The following SUFU variants were observed in gnomAD, a reference collection of about 807,000 sequenced individuals.
The protein encoded by SUFU is SUFU negative regulator of hedgehog signaling, also known as suppressor of fused homolog.
A neutral mutation model predicts 58.9 loss-of-function variants in SUFU; 7 were observed. The observed-to-expected ratio is 0.12, with a 90% CI of 0.07 to 0.22. The LOEUF (loss-of-function observed/expected upper bound fraction) is 0.22, where lower values mean the gene tolerates loss of function less well. Among genes scored for constraint, SUFU ranks in the 10% least tolerant of loss-of-function variants. The pLI is 1.00. For synonymous variants in SUFU, 232 were observed against 254.8 expected (o/e 0.91, Z 0.85); for missense variants, 451 against 641.3 (o/e 0.70, Z 3.20).
chr10:102,623,225 T>C (rs780768407), intron 10 of SUFU, among the ~76,000 whole-genome samples: 2 of 152,174 alleles, frequency 1.3e-5, no homozygotes, highest in Non-Finnish European at 2.9e-5. Context: ...AGTGCAAATA[T>C]CAGTGAGTGC....
intron 2 of SUFU, among the ~76,000 whole-genome samples, chr10:102,542,806 G>A (rs934257430): frequency 6.6e-6 from 1 of 151,868 alleles, no homozygotes; most frequent in African/African-American, 2.4e-5. Flanking sequence ...TGTACTTTTT[G>A]TGGAGGCAAG....
chr10:102,596,327 T>A (rs1388670594), intron 6 of SUFU, among the ~76,000 whole-genome samples: 1 of 152,234 alleles, frequency 6.6e-6, no homozygotes, highest in Non-Finnish European at 1.5e-5. Context: ...TCCAGATGAC[T>A]TTTAATTCAA....
At chr10:102,509,705 C>A (rs1280253425) in intron 2 of SUFU, among the ~76,000 whole-genome samples, 3 of 152,170 alleles carry the variant, frequency 2.0e-5, no homozygotes, top group African/African-American at 7.2e-5. Context: ...ATACCCACAA[C>A]CCAGATTCTA....
In SUFU at chr10:102,629,979, G is replaced by C; in HGVS notation, c.1366-87G>C. The C allele has an allele frequency of 1.6e-6, 2 of 1,253,142 alleles. No homozygotes were observed. The highest frequency in any genetic ancestry group is 2.3e-6 in the Non-Finnish European group (2 of 851,204). The allele number at this position is 1,253,142 out of a possible 1,614,324, so 77.6% of individuals were successfully genotyped here. On this transcript the variant is annotated intron_variant, in intron 11 of 11. Coordinates refer to ENST00000369902, the MANE Select transcript of SUFU (RefSeq NM_016169.4). The surrounding 1 kb of genome is among the most constrained non-coding windows in gnomAD (Gnocchi z 4.7). ...CGGCCTGTCCTATCCCTAGCTCCCC[G>C]GGGACAGGCCTGGGCAATCTCTGGA...
At chr10:102,605,149 C>T (rs1446502892) in intron 8 of SUFU, among the ~76,000 whole-genome samples, 1 of 151,816 alleles carries the variant, frequency 6.6e-6, no homozygotes, top group African/African-American at 2.4e-5. Context: ...GAACTCCTGA[C>T]CTTATGATCT....
intron 6 of SUFU, among the ~76,000 whole-genome samples, chr10:102,594,435 A>C (rs893368584): frequency 6.6e-6 from 1 of 152,084 alleles, no homozygotes; most frequent in Non-Finnish European, 1.5e-5. Context: ...CACGGCCACC[A>C]CCGCCCTGTA....
At chr10:102,623,618 A>G (rs542832353) in intron 10 of SUFU, among the ~76,000 whole-genome samples, 1 of 152,326 alleles carries the variant, frequency 6.6e-6, no homozygotes, top group South Asian at 2.1e-4. Flanking sequence ...CTCTATCACC[A>G]TGAGATCAGA....
At chr10:102,579,800 C>T in intron 3 of SUFU, 1 of 985,314 alleles carries the variant, frequency 1.0e-6, no homozygotes, top group Non-Finnish European at 1.2e-6. Flanking sequence ...GCTCTCAAAC[C>T]AAACACTCAA....
chr10:102,560,947 G>A (rs1040545965), intron 3 of SUFU, among the ~76,000 whole-genome samples: 2 of 151,904 alleles, frequency 1.3e-5, no homozygotes, highest in African/African-American at 2.4e-5. Context: ...TCCTCCCAGC[G>A]ATTTTCCTGC....
Position 102,629,559 on chromosome 10 carries a change from T to G in SUFU, c.1366-507T>G, listed in dbSNP as rs1352903423. ...AAGGCCGCAAGTGTGGTTCTGACTT[T>G]GGGGCCGAACTGGGGCCTCCTTCCC... On this transcript the variant is annotated intron_variant, in intron 11 of 11. Coordinates refer to ENST00000369902, the MANE Select transcript of SUFU (RefSeq NM_016169.4). This position sits in a 1 kb window ranked among gnomAD's most constrained non-coding sequence, Gnocchi z 4.7. Among the ~76,000 whole-genome samples the G allele has an allele frequency of 6.6e-6, 1 of 152,208 alleles. No individual in the cohort carries two copies. The highest frequency in any genetic ancestry group is 2.4e-5 in the African/African-American group (1 of 41,450).
intron 3 of SUFU, chr10:102,572,698 T>G: frequency 3.0e-6 from 2 of 661,696 alleles, no homozygotes; most frequent in Non-Finnish European, 5.6e-6. Flanking sequence ...AGCCTTTTTT[T>G]TGTTGTTGTT....
At chr10:102,526,978 ATAATTAT>A (rs1245837675) in intron 2 of SUFU, among the ~76,000 whole-genome samples, 1 of 150,468 alleles carries the variant, frequency 6.6e-6, no homozygotes, top group Non-Finnish European at 1.5e-5. Flanking sequence ...TCAATAAATT[ATAATTAT>A]TATTATTGTT....
intron 9 of SUFU, among the ~76,000 whole-genome samples, chr10:102,616,986 A>G (rs528939272): frequency 1.7e-3 from 257 of 152,164 alleles, no homozygotes; most frequent in Middle Eastern, 0.01. Context: ...TCTGCCCTCA[A>G]TTTTCCTAAG....
intron 3 of SUFU, among the ~76,000 whole-genome samples, chr10:102,551,446 T>A (rs2062913800): frequency 6.6e-6 from 1 of 151,974 alleles, no homozygotes; most frequent in South Asian, 2.1e-4. Flanking sequence ...GAGACCAGCC[T>A]GGCTAACATG....
In SUFU at chr10:102,550,035, C is replaced by T; in HGVS notation, c.383C>T (p.Thr128Ile). 1 of 1,614,200 alleles carries T rather than the reference C, an allele frequency of 6.2e-7. No individual in the cohort carries two copies. The highest frequency in any genetic ancestry group is 1.6e-4 in the Middle Eastern group (1 of 6,062). ...FELTFRLKRE[T>I]GESAPPTWPA... is the part of the protein sequence containing the mutation. ...TTGACCTTTCGTCTGAAGAGAGAAA[C>T]TGGGGAGTCTGCCCCACCAACATGG... is the stretch of plus-strand genomic sequence containing the variant. Residue 128 changes from threonine to isoleucine, a missense_variant, in exon 3 of 12, where the codon ACT becomes ATT. Coordinates refer to ENST00000369902, the MANE Select transcript of SUFU (RefSeq NM_016169.4).
At chr10:102,528,157 T>G (rs1468959698) in intron 2 of SUFU, among the ~76,000 whole-genome samples, 1 of 152,026 alleles carries the variant, frequency 6.6e-6, no homozygotes, top group African/African-American at 2.4e-5. Context: ...CCTTTGAGTT[T>G]GGGGGTGGTT....
intron 3 of SUFU, among the ~76,000 whole-genome samples, chr10:102,587,552 C>T (rs1167647281): frequency 2.0e-5 from 3 of 152,156 alleles, no homozygotes; most frequent in Non-Finnish European, 4.4e-5. Flanking sequence ...AGTGCAGTAG[C>T]GTGATCTCGG....
chr10:102,509,498 C>G (rs1462377110), intron 2 of SUFU, among the ~76,000 whole-genome samples, 195 bp downstream of exon 2: 1 of 152,150 alleles, frequency 6.6e-6, no homozygotes, highest in Non-Finnish European at 1.5e-5. Flanking sequence ...GCAGGAAAGT[C>G]TTGATGAGCA....
At chr10:102,556,785 G>C (rs535961956) in intron 3 of SUFU, among the ~76,000 whole-genome samples, 23 of 149,296 alleles carry the variant, frequency 1.5e-4, no homozygotes, top group South Asian at 8.6e-4. Flanking sequence ...AGAAGGAAGG[G>C]AGGAAGGAAG....
Sources: gnomAD v4.1 joint callset for allele counts (sites outside exome capture counted in the v4.1 genomes callset) on GRCh38, gnomAD v4.1.1 for gene constraint, Gnocchi (gnomAD v3.1) non-coding constraint, MANE v1.5 for transcripts, NCBI Gene and HGNC (gene_info 2026-07-23, HGNC 2026-07-21) for gene names.